The following ANKRD26 variants were observed in gnomAD, a reference collection of about 807,000 sequenced individuals.
ANKRD26 encodes the protein ankyrin repeat domain-containing protein 26.
A neutral mutation model predicts 208.7 loss-of-function variants in ANKRD26; 141 were observed. That is an observed-to-expected ratio of 0.68 (90% CI 0.59 to 0.78). ANKRD26 has a LOEUF of 0.78. Among genes scored for constraint, ANKRD26 ranks in the 30% least tolerant of loss-of-function variants. The pLI is 0.00. For missense variants in ANKRD26, 1,889 were observed against 1,938.7 expected (o/e 0.97, Z 0.48); for synonymous variants, 636 against 660.4 (o/e 0.96, Z 0.57).
the ANKRD26 span, among the ~76,000 whole-genome samples, chr10:26,949,506 TATTA>T: frequency 3.3e-5 from 5 of 151,838 alleles, no homozygotes; most frequent in African/African-American, 9.7e-5. Context: ...TTAATTTATT[TATTA>T]ATTTATTTAT....
intron 21 of ANKRD26, among the ~76,000 whole-genome samples, chr10:27,038,674 T>G (rs940320414): frequency 6.6e-6 from 1 of 152,068 alleles, no homozygotes; most frequent in African/African-American, 2.4e-5. Context: ...AATCTTTTTT[T>G]AATTAGTCAT....
chr10:27,035,853 G>A, intron 23 of ANKRD26, 101 bp from the exon 24 acceptor site: 2 of 880,196 alleles, frequency 2.3e-6, no homozygotes, highest in Non-Finnish European at 3.6e-6. Flanking sequence ...ACAATAAAGG[G>A]TTGCAATAAG....
intron 21 of ANKRD26, among the ~76,000 whole-genome samples, chr10:27,039,571 A>T (rs1292733605): frequency 2.0e-5 from 3 of 152,002 alleles, no homozygotes; most frequent in Non-Finnish European, 1.5e-5. Flanking sequence ...AGGCCTTTTT[A>T]AAAAAAATTC....
At chr10:26,976,321 T>C (rs1466225682) in intron 5 of ANKRD26, among the ~76,000 whole-genome samples, 1 of 152,058 alleles carries the variant, frequency 6.6e-6, no homozygotes, top group East Asian at 1.9e-4. Flanking sequence ...TTCAAGCGAT[T>C]CTCCTGCCTC....
At chr10:27,010,131 T>A (rs61216393) in intron 32 of ANKRD26, among the ~76,000 whole-genome samples, 1 of 152,212 alleles carries the variant, frequency 6.6e-6, no homozygotes, top group Non-Finnish European at 1.5e-5. Flanking sequence ...TGCCATTTTT[T>A]AAAAGTTCTA....
At chr10:27,060,286 A>G (rs865918197) in intron 15 of ANKRD26, 59 bp downstream of exon 15, 1 of 1,385,924 alleles carries the variant, frequency 7.2e-7, no homozygotes, top group Middle Eastern at 1.9e-4. Context: ...AGCATTTCAA[A>G]TATTTCAAAA....
intron 9 of ANKRD26, among the ~76,000 whole-genome samples, chr10:27,072,620 C>T (rs1297100722): frequency 6.6e-6 from 1 of 152,204 alleles, no homozygotes; most frequent in African/African-American, 2.4e-5. Context: ...ACTACCACTG[C>T]AACTGGCGCT....
intron 18 of ANKRD26, chr10:27,046,083 C>A: frequency 2.8e-6 from 1 of 356,814 alleles, no homozygotes; most frequent in East Asian, 5.0e-5. Context: ...TTGAATCCCA[C>A]ATTCTTCTTC....
intron 16 of ANKRD26, chr10:27,051,837 G>A (rs2054672984): frequency 1.0e-6 from 1 of 985,190 alleles, no homozygotes; most frequent in Admixed American, 6.2e-5. Context: ...ATCATGTAGT[G>A]ACTCTTCCCC....
In ANKRD26 at chr10:27,086,525, A is replaced by G; in HGVS notation, c.709+14T>C. ...GTACTATTACCAAGAGAAATTCACT[A>G]TTGGAAGTCTTACCTGAATTACTAT... On this transcript the variant is annotated intron_variant, in intron 5 of 33. Transcript: ENST00000376087. 1 of 1,604,632 alleles carries G rather than the reference A, an allele frequency of 6.2e-7. No homozygotes were observed.
At chr10:27,061,006 T>C in intron 13 of ANKRD26, 138 bp downstream of exon 13, 1 of 713,212 alleles carries the variant, frequency 1.4e-6, no homozygotes, top group Admixed American at 2.1e-5. Flanking sequence ...TCCTGTAATT[T>C]AGGAAGCACA....
chr10:26,987,724 G>A (rs2052414061), downstream of ANKRD26, among the ~76,000 whole-genome samples: 1 of 152,134 alleles, frequency 6.6e-6, no homozygotes, highest in Admixed American at 6.5e-5. Context: ...GATGATAAAA[G>A]CAAATCTTCA....
chr10:27,024,929 A>T (rs1031783126), intron 27 of ANKRD26, among the ~76,000 whole-genome samples: 6 of 152,314 alleles, frequency 3.9e-5, no homozygotes, highest in African/African-American at 1.4e-4. Flanking sequence ...AATCTTACTA[A>T]GACAATTTTT....
chr10:27,077,691 AT>A lies in ANKRD26; in HGVS notation c.815del (p.Asn272MetfsTer7), dbSNP rs772836303. The A allele has an allele frequency of 6.2e-7, 1 of 1,611,460 alleles. No homozygotes were observed. The highest frequency in any genetic ancestry group is 8.5e-7 in the Non-Finnish European group (1 of 1,179,228). ...GCTTTGCTAAGCTTGGTTTTGGGAC[AT>A]TCTAGAAAACAAAAATAAGAATAAC... ...DDEDLNFDTK[N>X]VPKPSLAKLM... On this transcript the variant is annotated frameshift_variant and splice_region_variant, in exon 8 of 34. Transcript: ENST00000376087. LOFTEE classifies it high-confidence loss of function.
In ANKRD26 at chr10:27,005,547, A is replaced by G. The variant is rs1343596114; in HGVS notation, c.*43T>C. The G allele has an allele frequency of 6.3e-7, 1 of 1,590,164 alleles. No homozygotes were observed. Among genetic ancestry groups the G allele is most frequent in the Non-Finnish European group, 8.6e-7 (1 of 1,163,040 alleles). ...TGTCATATATTAATATTTAATGAGAAACAAAATGTCACATAAACAGCCCAG... is the reference window on the plus strand; with the variant it reads ...TGTCATATATTAATATTTAATGAGAGACAAAATGTCACATAAACAGCCCAG... On this transcript the variant is annotated 3_prime_UTR_variant, in exon 34 of 34. Transcript: ENST00000376087.
intron 15 of ANKRD26, among the ~76,000 whole-genome samples, chr10:27,057,922 C>G (rs1488621031): frequency 1.4e-5 from 2 of 141,392 alleles, no homozygotes; most frequent in African/African-American, 5.6e-5. Flanking sequence ...GGTGACAGAG[C>G]GAGACTCCAT....
chr10:26,972,100 T>G (rs7083242), downstream of ANKRD26, among the ~76,000 whole-genome samples: 1 of 151,580 alleles, frequency 6.6e-6, no homozygotes, highest in Non-Finnish European at 1.5e-5. Context: ...CCAGGCGTGG[T>G]GGCGGGCGCC....
At chr10:27,062,015 T>C (rs1050166150) in intron 12 of ANKRD26, 29 of 985,280 alleles carry the variant, frequency 2.9e-5, no homozygotes, top group Non-Finnish European at 3.5e-5. Flanking sequence ...AATGAATCCA[T>C]CTGAAATGAG....
At chr10:27,053,135 A>G (rs2054719362) in intron 16 of ANKRD26, among the ~76,000 whole-genome samples, 185 bp downstream of exon 16, 2 of 152,192 alleles carry the variant, frequency 1.3e-5, no homozygotes, top group South Asian at 4.1e-4. Flanking sequence ...ACAAAAGATT[A>G]GCTATAGGTT....
Sources: gnomAD v4.1 joint callset for allele counts (sites outside exome capture counted in the v4.1 genomes callset) on GRCh38, gnomAD v4.1.1 for gene constraint, MANE v1.5 for transcripts, NCBI Gene and HGNC (gene_info 2026-07-23, HGNC 2026-07-21) for gene names.